ZGRF1: variants seen among roughly 807,000 people sequenced by gnomAD.
The protein encoded by ZGRF1 is zinc finger GRF-type containing 1, also known as 5'-3' DNA helicase ZGRF1.
Under a neutral mutation model 203.5 loss-of-function variants are expected in ZGRF1, and 196 were observed. The observed-to-expected ratio is 0.96, with a 90% CI of 0.86 to 1.08. The LOEUF (loss-of-function observed/expected upper bound fraction) is 1.08. Ranked by LOEUF, ZGRF1 falls within the 50% of genes least tolerant of loss-of-function variation. The pLI is 0.00. For synonymous variants in ZGRF1, 809 were observed against 841.3 expected (o/e 0.96, Z 0.66); for missense variants, 2,326 against 2,416.3 (o/e 0.96, Z 0.78).
chr4:112,621,350 G>A (rs1298469314), intron 4 of ZGRF1, among the ~76,000 whole-genome samples: 1 of 152,082 alleles, frequency 6.6e-6, no homozygotes, highest in Admixed American at 6.6e-5. Flanking sequence ...TCTGACTGCA[G>A]CATAAAAATA....
chr4:112,573,202 C>CACT (rs1744525181), intron 16 of ZGRF1, among the ~76,000 whole-genome samples: 1 of 97,244 alleles, frequency 1.0e-5, no homozygotes, highest in Non-Finnish European at 2.4e-5. Context: ...ACACACACAC[C>CACT]CATGGAATAC....
At chr4:112,599,371 C>T (rs1749559901) in intron 10 of ZGRF1, among the ~76,000 whole-genome samples, 1 of 151,950 alleles carries the variant, frequency 6.6e-6, no homozygotes, top group Non-Finnish European at 1.5e-5. Context: ...TAGTTCTAAA[C>T]ATATATGCAA....
At chr4:112,595,930 T>C (rs945512413) in intron 10 of ZGRF1, among the ~76,000 whole-genome samples, 4 of 152,184 alleles carry the variant, frequency 2.6e-5, no homozygotes, top group African/African-American at 9.7e-5. Context: ...ATACAGAATT[T>C]CTTGTAAGTC....
chr4:112,622,335 A>G lies in ZGRF1; in HGVS notation c.162+1482T>C, dbSNP rs1012860729. ...GGAGTTCAAGACCAGCCTGGCCAAC[A>G]TGGTGAAACCCCATCTCTACTAAAA... On this transcript the variant is annotated intron_variant, in intron 4 of 27. Coordinates refer to ENST00000505019, the MANE Select transcript of ZGRF1 (RefSeq NM_018392.5). 7.2e-5 allele frequency among the ~76,000 whole-genome samples: 11 copies of G among 151,908 alleles called. No individual in the cohort carries two copies. In the East Asian group the frequency reaches 2.2e-3, roughly 30 times the overall value.
chr4:112,623,877 C>A lies in ZGRF1; in HGVS notation c.103-1G>T, dbSNP rs752320335. ...CTCCTTTGTCATCATATAAAATTGCCTGTATGAAAACAAAATAAATGTTAA... is the reference window on the plus strand; with the variant it reads ...CTCCTTTGTCATCATATAAAATTGCATGTATGAAAACAAAATAAATGTTAA... On this transcript the variant is annotated splice_acceptor_variant, in intron 3 of 27. Coordinates refer to ENST00000505019, the MANE Select transcript of ZGRF1 (RefSeq NM_018392.5). LOFTEE classifies it high-confidence loss of function. The A allele has an allele frequency of 2.3e-5, 36 of 1,550,428 alleles. No homozygotes were observed. The South Asian group carries it at 3.8e-4, about 16-fold the overall frequency.
At chr4:112,560,454 T>C (rs190194740) in intron 19 of ZGRF1, among the ~76,000 whole-genome samples, 1 of 152,298 alleles carries the variant, frequency 6.6e-6, no homozygotes, top group East Asian at 1.9e-4. Flanking sequence ...AAGTTAAGTT[T>C]ACTATAGGAG....
In ZGRF1 at chr4:112,586,028, C is replaced by T. The variant is rs149726073; in HGVS notation, c.3917-303G>A. ...CAAGGCGAGTAGATTGCTTGAGCCC[C>T]CTAGGGGTTGAAGACCAGCCTGAGC... On this transcript the variant is annotated intron_variant, in intron 13 of 27. Transcript: ENST00000505019. Among the ~76,000 whole-genome samples, 344 of 152,060 alleles carry T rather than the reference C, an allele frequency of 2.3e-3. 1 individual carries two copies. The highest frequency in any genetic ancestry group is 4.1e-3 in the Non-Finnish European group (279 of 67,964).
chr4:112,595,371 AATT>A (rs1319718153), intron 10 of ZGRF1, among the ~76,000 whole-genome samples: 2 of 152,348 alleles, frequency 1.3e-5, no homozygotes, highest in Admixed American at 6.5e-5. Context: ...CTGAACAAAA[AATT>A]ATTATGTTCA....
At position 112,617,870 on chromosome 4, in the gene ZGRF1, A is replaced by G. The variant is rs965434850; in HGVS notation, c.2172T>C (p.Asp724=). The G allele has an allele frequency of 5.0e-6, 8 of 1,613,916 alleles. No homozygotes were observed. Among genetic ancestry groups the G allele is most frequent in the Middle Eastern group, 3.3e-4 (2 of 6,082 alleles). Residue 724 remains aspartate, a synonymous_variant, in exon 6 of 28, where the codon GAT becomes GAC. Coordinates refer to ENST00000505019, the MANE Select transcript of ZGRF1 (RefSeq NM_018392.5). The part of the protein sequence containing the change: ...FILGSDLDKN[D]EHVLPSTSSS... ...TAGAAGTTGAGGGTAAAACATGTTC[A>G]TCATTTTTGTCTAAGTCACTTCCCA... is the stretch of plus-strand genomic sequence containing the variant.
chr4:112,583,556 A>G (rs1263812263), intron 15 of ZGRF1, among the ~76,000 whole-genome samples: 1 of 152,180 alleles, frequency 6.6e-6, no homozygotes, highest in Non-Finnish European at 1.5e-5. Context: ...CTCTAATTCC[A>G]GCACTTTGGG....
At chr4:112,604,969 T>A (rs1036827996) in intron 9 of ZGRF1, among the ~76,000 whole-genome samples, 13 of 152,166 alleles carry the variant, frequency 8.5e-5, no homozygotes, top group African/African-American at 3.1e-4. Context: ...GAACTGTAAA[T>A]CACACATTTG....
intron 20 of ZGRF1, among the ~76,000 whole-genome samples, chr4:112,557,824 T>C (rs1367130023): frequency 6.6e-6 from 1 of 152,200 alleles, no homozygotes. Context: ...CTTGCATCCT[T>C]AGCATCCCAG....
chr4:112,617,935 T>G lies in ZGRF1; in HGVS notation c.2107A>C (p.Asn703His). The part of the protein sequence containing the change: ...HIQNQIAENS[N>H]LFSEDAQPQP... The stretch of plus-strand genomic sequence containing the variant: ...GGTTGAGCATCTTCTGAAAATAGAT[T>G]ACTGTTTTCAGCAATCTGGTTTTGA... Residue 703 changes from asparagine (N) to histidine (H), a missense_variant, in exon 6 of 28, where the codon AAT (asparagine) becomes CAT (histidine). Asn to His is a moderately conservative substitution (Grantham distance 68, BLOSUM62 1). Coordinates refer to ENST00000505019, the MANE Select transcript of ZGRF1 (RefSeq NM_018392.5). 6.2e-7 allele frequency: 1 copy of G among 1,613,370 alleles called. No individual in the cohort carries two copies. The highest frequency in any genetic ancestry group is 8.5e-7 in the Non-Finnish European group (1 of 1,179,782).
intron 16 of ZGRF1, among the ~76,000 whole-genome samples, chr4:112,576,209 C>A (rs958221137): frequency 6.6e-6 from 1 of 152,208 alleles, no homozygotes; most frequent in East Asian, 1.9e-4. Context: ...AGACCTGCAG[C>A]TGAGGGTCCT....
chr4:112,628,740 A>G, intron 3 of ZGRF1: 5 of 452,378 alleles, frequency 1.1e-5, no homozygotes, highest in East Asian at 7.0e-5. Flanking sequence ...ATAAAGTTGG[A>G]TAATAGCACT....
At chr4:112,555,209 G>A (rs1740717364) in intron 20 of ZGRF1, among the ~76,000 whole-genome samples, 2 of 152,192 alleles carry the variant, frequency 1.3e-5, no homozygotes, top group African/African-American at 4.8e-5. Flanking sequence ...CAAGCTCAGA[G>A]GTGAGGTATC....
At chr4:112,612,624 A>C (rs772598176) in intron 6 of ZGRF1, 36 bp from the exon 7 acceptor site, 4 of 1,319,676 alleles carry the variant, frequency 3.0e-6, no homozygotes, top group Admixed American at 3.7e-5. Flanking sequence ...TATCATTGTT[A>C]TATATAGCAG....
In ZGRF1 at chr4:112,562,369, A is replaced by G. The variant is rs1288310246; in HGVS notation, c.4697+2T>C. On this transcript the variant is annotated splice_donor_variant, in intron 18 of 27. Coordinates refer to ENST00000505019, the MANE Select transcript of ZGRF1 (RefSeq NM_018392.5). LOFTEE classifies it high-confidence loss of function. ...ATGACTCAAAGGTAAAAAATGACTT[A>G]CGTTGTTAACAGGTACTGTGTTAGA... is the stretch of plus-strand genomic sequence containing the variant. The G allele has an allele frequency of 3.2e-6, 5 of 1,543,356 alleles. No homozygotes were observed. Among genetic ancestry groups the G allele is most frequent in the Non-Finnish European group, 4.5e-6 (5 of 1,121,318 alleles).
At position 112,563,275 on chromosome 4, in the gene ZGRF1, C is replaced by T. The variant is rs764288769; in HGVS notation, c.4439-1G>A. On this transcript the variant is annotated splice_acceptor_variant, in intron 16 of 27. Transcript: ENST00000505019. LOFTEE classifies it high-confidence loss of function. Reference sequence around the variant, plus strand: ...GTTTTTGAAACCACCCAAAGATCATCTGAAAAGACAAACATTTTTAAATAT... The same window carrying T: ...GTTTTTGAAACCACCCAAAGATCATTTGAAAAGACAAACATTTTTAAATAT... 1.9e-6 allele frequency: 3 copies of T among 1,548,282 alleles called. No individual in the cohort carries two copies. Among genetic ancestry groups the T allele is most frequent in the South Asian group, 2.4e-5 (2 of 83,724 alleles).
Sources: allele counts gnomAD v4.1 joint callset (sites outside exome capture counted in the v4.1 genomes callset), GRCh38; gene constraint gnomAD v4.1.1; transcripts MANE v1.5; gene names NCBI Gene and HGNC (gene_info 2026-07-23, HGNC 2026-07-21).